LIFR: variants seen among roughly 807,000 people sequenced by gnomAD.
LIFR encodes leukemia inhibitory factor receptor.
A neutral mutation model predicts 122.2 loss-of-function variants in LIFR; 84 were observed. The observed-to-expected ratio is 0.69, with a 90% CI of 0.58 to 0.82. LIFR has a LOEUF of 0.82. Ranked by LOEUF, LIFR falls within the 40% of genes least tolerant of loss-of-function variation. The pLI, the probability that LIFR is intolerant of heterozygous loss-of-function variation, is 0.00. For synonymous variants in LIFR, 422 were observed against 434.7 expected, an observed-to-expected ratio of 0.97 and a Z score of 0.36; for missense variants, 1,294 against 1,311.6, an observed-to-expected ratio of 0.99 and a Z score of 0.21.
rs370455274 is a variant in LIFR at position 38,489,133 on chromosome 5, C to T, written c.2280G>A (p.Leu760=). ...EELRGFLRGY[L]FYFGKGERDT... ...CTCTTTCTCCTTTTCCAAAGTAAAACAAATATCCTCTTAAAAAGCCTCTAA... is the reference window on the plus strand; with the variant it reads ...CTCTTTCTCCTTTTCCAAAGTAAAATAAATATCCTCTTAAAAAGCCTCTAA... Residue 760 remains leucine (L), a synonymous_variant, in exon 16 of 20, where the codon TTG becomes TTA. Transcript: ENST00000453190. 21 of 1,612,926 alleles carry T rather than the reference C, an allele frequency of 1.3e-5. No individual in the cohort carries two copies. The African/African-American group carries it at 2.1e-4, about 16-fold the overall frequency.
In LIFR at chr5:38,489,144, T is replaced by C. The variant is rs1744439458; in HGVS notation, c.2269A>G (p.Arg757Gly). The C allele has an allele frequency of 1.2e-6, 2 of 1,612,836 alleles. No individual in the cohort carries two copies. ...TTTCCAAAGTAAAACAAATATCCTC[T>C]TAAAAAGCCTCTAAGTTCTTCCACA... is the stretch of plus-strand genomic sequence containing the variant. ...IPVEELRGFL[R>G]GYLFYFGKGE... Residue 757 changes from arginine (R) to glycine (G), a missense_variant, in exon 16 of 20, where the codon AGA becomes GGA. By Grantham distance (125) the Arg-to-Gly change is moderately radical. Transcript: ENST00000453190.
In LIFR at chr5:38,510,561, T is replaced by C; in HGVS notation, c.894A>G (p.Ala298=). The C allele has an allele frequency of 1.2e-6, 2 of 1,613,990 alleles. No individual in the cohort carries two copies. Among genetic ancestry groups the C allele is most frequent in the East Asian group, 2.2e-5 (1 of 44,846 alleles). ...AAACAGAAATATTACGAATCTTGAT[T>C]GCAACATTTTCCCCATCAAGATGGA... is the stretch of plus-strand genomic sequence containing the variant. ...PLIHLDGENV[A]IKIRNISVSA... is the part of the protein sequence containing the mutation. Residue 298 remains alanine (A), a synonymous_variant, in exon 7 of 20, where the codon GCA becomes GCG. Transcript: ENST00000453190.
At chr5:38,557,658 G>A (rs1420337220), upstream of LIFR, 1 of 154,748 alleles carries the variant, frequency 6.5e-6, no homozygotes, top group Non-Finnish European at 1.5e-5. Context: ...AAACTCCAAA[G>A]CAATTTATAA....
In LIFR at chr5:38,478,493, A is replaced by G. The variant is rs1294031699; in HGVS notation, c.*3102T>C. The stretch of plus-strand genomic sequence containing the variant: ...CAATCTCAAATCTAGGGCTGTATAA[A>G]TTCAACAAATTGATGACCTAGATTG... On this transcript the variant is annotated 3_prime_UTR_variant, in exon 20 of 20. Transcript: ENST00000453190. 9.6e-6 allele frequency: 2 copies of G among 208,416 alleles called. No homozygotes were observed. Among genetic ancestry groups the G allele is most frequent in the African/African-American group, 4.6e-5 (2 of 43,956 alleles). 12.9% of individuals were successfully genotyped at this position (208,416 alleles called of 1,614,324 possible).
rs1357313893 is a variant in LIFR, at chr5:38,493,656, A to G, written c.2015T>C (p.Met672Thr). The G allele has an allele frequency of 2.5e-6, 4 of 1,614,234 alleles. No homozygotes were observed. The highest frequency in any genetic ancestry group is 1.1e-5 in the South Asian group (1 of 91,086). ...GTTTGAGGGAACTTTTCTCCAGTCCATAAGGCATGGTTCCGACCGAGACGA... is the reference window on the plus strand; with the variant it reads ...GTTTGAGGGAACTTTTCTCCAGTCCGTAAGGCATGGTTCCGACCGAGACGA... The part of the protein sequence containing the change: ...CNSSRSEPCL[M>T]DWRKVPSNST... Residue 672 changes from methionine (M) to threonine (T), a missense_variant, in exon 14 of 20, where the codon ATG becomes ACG. Transcript: ENST00000453190.
chr5:38,522,268 G>A (rs1746443842), intron 5 of LIFR, among the ~76,000 whole-genome samples: 1 of 152,214 alleles, frequency 6.6e-6, no homozygotes, highest in Admixed American at 6.5e-5. Context: ...CACATGGAAT[G>A]CACTTTAGCA....
chr5:38,523,972 A>G (rs1580110045), intron 4 of LIFR, among the ~76,000 whole-genome samples: 1 of 152,236 alleles, frequency 6.6e-6, no homozygotes, highest in East Asian at 1.9e-4. Flanking sequence ...TCAAATCCAC[A>G]GCACATTTTC....
At chr5:38,558,334 A>T (rs1441245981), upstream of LIFR, 2 of 152,168 alleles carry the variant, frequency 1.3e-5, no homozygotes, top group African/African-American at 4.8e-5. Context: ...TAGTTTTAAG[A>T]ATATTACATA....
chr5:38,517,930 C>A (rs1177806558), intron 5 of LIFR, among the ~76,000 whole-genome samples: 29 of 123,296 alleles, frequency 2.4e-4, no homozygotes, highest in African/African-American at 9.1e-4. Context: ...AAAAGTGAGA[C>A]CCCATCTCTA....
rs1746834220 is a variant in LIFR at position 38,528,814 on chromosome 5, T to C, written c.169A>G (p.Thr57Ala). 6.3e-7 allele frequency: 1 copy of C among 1,576,872 alleles called. No homozygotes were observed. The highest frequency in any genetic ancestry group is 8.6e-7 in the Non-Finnish European group (1 of 1,158,976). Reference protein sequence around the residue: ...KGAPHDLKCVTNNLQVWNCSW... With the variant: ...KGAPHDLKCVANNLQVWNCSW... ...CAGTTCCACACTTGCAAATTGTTAG[T>C]TACACACTTCAAATCATGAGGAGCC... Residue 57 changes from threonine to alanine, a missense_variant, in exon 3 of 20, where the codon ACT (threonine) becomes GCT (alanine). Physicochemically the swap from Thr to Ala is moderately conservative, Grantham distance 58. Transcript: ENST00000453190.
chr5:38,511,921 T>A lies in LIFR; in HGVS notation c.605A>T (p.His202Leu), dbSNP rs1745824503. Residue 202 changes from histidine to leucine, a missense_variant, in exon 6 of 20, where the codon CAC (histidine) becomes CTC (leucine). By Grantham distance (99) the His-to-Leu change is moderately conservative. Transcript: ENST00000453190. ...TTLNGKDTLH[H>L]WSWASDMPLE... ...GGGCATATCTGAGGCCCAACTCCAG[T>A]GATGAAGTGTATCTTTGCCATTCAG... 2 of 1,614,142 alleles carry A rather than the reference T, an allele frequency of 1.2e-6. No individual in the cohort carries two copies. Among genetic ancestry groups the A allele is most frequent in the Non-Finnish European group, 1.7e-6 (2 of 1,180,008 alleles).
Position 38,528,742 on chromosome 5 carries a change from C to A in LIFR, c.241G>T (p.Val81Phe). Residue 81 changes from valine (V) to phenylalanine (F), a missense_variant, in exon 3 of 20, where the codon GTT becomes TTT. Physicochemically the swap from Val to Phe is conservative, Grantham distance 50. Transcript: ENST00000453190. ...SGTGRGTDYE[V>F]CIENRSRSCY... ...TAAAATTACCTGTTTTCAATGCAAACTTCATAATCAGTACCACGGCCTGTT... is the reference window on the plus strand; with the variant it reads ...TAAAATTACCTGTTTTCAATGCAAAATTCATAATCAGTACCACGGCCTGTT... The A allele has an allele frequency of 6.3e-7, 1 of 1,587,152 alleles. No individual in the cohort carries two copies.
intron 1 of LIFR, among the ~76,000 whole-genome samples, chr5:38,581,303 G>A (rs1442348291): frequency 6.6e-6 from 1 of 152,062 alleles, no homozygotes; most frequent in Admixed American, 6.5e-5. Context: ...TTTCCTAGCA[G>A]GACGTTTAAG....
At chr5:38,574,312 G>T (rs1337468282) in intron 1 of LIFR, among the ~76,000 whole-genome samples, 1 of 151,880 alleles carries the variant, frequency 6.6e-6, no homozygotes, top group East Asian at 1.9e-4. Flanking sequence ...CCTGAAATTT[G>T]TCACCCCAAT....
chr5:38,505,109 A>G (rs1208724970), intron 9 of LIFR, among the ~76,000 whole-genome samples: 1 of 152,176 alleles, frequency 6.6e-6, no homozygotes, highest in Non-Finnish European at 1.5e-5. Flanking sequence ...GCAATCAGTA[A>G]TAAAAGGGAC....
intron 1 of LIFR, among the ~76,000 whole-genome samples, chr5:38,567,494 C>A (rs1749059928): frequency 1.1e-5 from 1 of 88,312 alleles, no homozygotes; most frequent in Non-Finnish European, 2.5e-5. Context: ...TATGACCATT[C>A]TGTATTTATT....
intron 1 of LIFR, among the ~76,000 whole-genome samples, chr5:38,546,435 C>T (rs1747898197): frequency 6.6e-6 from 1 of 152,094 alleles, no homozygotes; most frequent in Non-Finnish European, 1.5e-5. Context: ...TTTAAAAACC[C>T]TTGAATTATT....
intron 2 of LIFR, among the ~76,000 whole-genome samples, chr5:38,530,202 A>G (rs1287923020): frequency 6.6e-6 from 1 of 152,218 alleles, no homozygotes; most frequent in African/African-American, 2.4e-5. Context: ...GCTGTTCCCT[A>G]TCTTGATTGT....
At chr5:38,557,847 C>T (rs1748666420), upstream of LIFR, 2 of 152,166 alleles carry the variant, frequency 1.3e-5, no homozygotes, top group South Asian at 2.1e-4. Flanking sequence ...CATCCATGTG[C>T]GTATTTTGAA....
Sources: allele counts gnomAD v4.1 joint callset (sites outside exome capture counted in the v4.1 genomes callset), GRCh38; gene constraint gnomAD v4.1.1; transcripts MANE v1.5; gene names NCBI Gene and HGNC (gene_info 2026-07-23, HGNC 2026-07-21).